FAIM2: variants seen among roughly 807,000 people sequenced by gnomAD.
The protein encoded by FAIM2 is protein lifeguard 2.
In FAIM2, 27 loss-of-function variants were observed where a neutral mutation model predicts 47.4. The ratio of observed to expected loss-of-function variants is 0.57; its 90% confidence interval spans 0.42 to 0.78. The LOEUF (loss-of-function observed/expected upper bound fraction) is 0.78, where lower values mean the gene tolerates loss of function less well. Ranked by LOEUF, FAIM2 falls within the 30% of genes least tolerant of loss-of-function variation. The pLI is 0.00. For missense variants in FAIM2, 311 were observed against 389.4 expected (o/e 0.80, Z 1.69); for synonymous variants, 156 against 159.3 (o/e 0.98, Z 0.16).
At chr12:49,883,026 G>A (rs1168572830) in intron 11 of FAIM2, among the ~76,000 whole-genome samples, 1 of 152,192 alleles carries the variant, frequency 6.6e-6, no homozygotes, top group Non-Finnish European at 1.5e-5. Flanking sequence ...GGATGGGAGA[G>A]AGGGCTGTGA....
rs745717930 is a variant in FAIM2, at chr12:49,885,275, C to A, written c.801+2111G>T. ...CACACACTGGCTGTAACCTGATCCACGGGAAGCCAAGTAAACTCCCCGGCC... is the reference window on the plus strand; with the variant it reads ...CACACACTGGCTGTAACCTGATCCAAGGGAAGCCAAGTAAACTCCCCGGCC... On this transcript the variant is annotated intron_variant, in intron 11 of 11. Coordinates refer to ENST00000320634, the MANE Select transcript of FAIM2 (RefSeq NM_012306.4). 1.3e-5 allele frequency among the ~76,000 whole-genome samples: 2 copies of A among 152,220 alleles called. 1 individual carries two copies. Among genetic ancestry groups the A allele is most frequent in the Admixed American group, 1.3e-4 (2 of 15,282 alleles).
chr12:49,871,553 T>C (rs919791368), intron 11 of FAIM2, among the ~76,000 whole-genome samples: 3 of 152,136 alleles, frequency 2.0e-5, no homozygotes, highest in African/African-American at 7.2e-5. Context: ...CATATGAAAT[T>C]TGGCAGGCGT....
intron 11 of FAIM2, among the ~76,000 whole-genome samples, chr12:49,884,243 A>G: frequency 6.6e-6 from 1 of 151,858 alleles, no homozygotes; most frequent in African/African-American, 2.4e-5. Flanking sequence ...AAAAAACAAA[A>G]AACAGAGAGA....
chr12:49,900,094 G>C (rs1946971273), intron 2 of FAIM2: 1 of 715,222 alleles, frequency 1.4e-6, no homozygotes, highest in African/African-American at 1.8e-5. Flanking sequence ...AAGGGGAAAA[G>C]AGAGGGAAAG....
chr12:49,885,595 A>G (rs1946855484), intron 11 of FAIM2, among the ~76,000 whole-genome samples: 1 of 152,312 alleles, frequency 6.6e-6, no homozygotes, highest in African/African-American at 2.4e-5. Flanking sequence ...GGGCTCCTCA[A>G]GAAGTGGGGC....
At chr12:49,871,568 C>T (rs1027452772) in intron 11 of FAIM2, among the ~76,000 whole-genome samples, 2 of 152,100 alleles carry the variant, frequency 1.3e-5, no homozygotes, top group African/African-American at 4.8e-5. Flanking sequence ...AGGCGTGGTG[C>T]GCTTTTCTGG....
At chr12:49,878,522 CTGTG>C (rs144546821) in intron 11 of FAIM2, among the ~76,000 whole-genome samples, 2,887 of 127,542 alleles carry the variant, frequency 0.023, 596 homozygotes, top group African/African-American at 0.083. Context: ...GTGCATATGA[CTGTG>C]TATGTGCATG....
intron 2 of FAIM2, among the ~76,000 whole-genome samples, chr12:49,898,450 T>C (rs1168128277): frequency 6.6e-6 from 1 of 152,150 alleles, no homozygotes; most frequent in Admixed American, 6.5e-5. Flanking sequence ...TGGTCAAGGA[T>C]CACAGAGGGC....
At chr12:49,901,766 T>C (rs1946983878) in intron 1 of FAIM2, 1 of 153,420 alleles carries the variant, frequency 6.5e-6, no homozygotes, top group Admixed American at 6.5e-5. Flanking sequence ...GGAAGAGCGA[T>C]TCATCCAAGG....
At chr12:49,880,556 GTGTGCATGTGTGTATC>G (rs1946812059) in intron 11 of FAIM2, among the ~76,000 whole-genome samples, 20 of 10,096 alleles carry the variant, frequency 2.0e-3, no homozygotes, top group Admixed American at 5.3e-3. Flanking sequence ...GCATGCGTGT[GTGTGCATGTGTGTATC>G]TGTGCATGTG....
rs919106664 is a variant in FAIM2 at position 49,874,277 on chromosome 12, CACTTGA to C, written c.802-3630_802-3625del. On this transcript the variant is annotated intron_variant, in intron 11 of 11. Coordinates refer to ENST00000320634, the MANE Select transcript of FAIM2 (RefSeq NM_012306.4). The surrounding 1 kb of genome is among the most constrained non-coding windows in gnomAD (Gnocchi z 4.2). Reference sequence around the variant, plus strand: ...TCTGAAGAGTCCTTCCCCAGACCAACACTTGATCTCATCTCCCTCTCCCCATTTGCC... The same window carrying C: ...TCTGAAGAGTCCTTCCCCAGACCAACTCTCATCTCCCTCTCCCCATTTGCC... 3.3e-5 allele frequency among the ~76,000 whole-genome samples: 5 copies of C among 152,192 alleles called. No homozygotes were observed. Among genetic ancestry groups the C allele is most frequent in the African/African-American group, 1.2e-4 (5 of 41,448 alleles).
chr12:49,876,725 T>C (rs1039705236), intron 11 of FAIM2, among the ~76,000 whole-genome samples: 2 of 152,044 alleles, frequency 1.3e-5, no homozygotes, highest in Non-Finnish European at 2.9e-5. Context: ...TGAGCCGAGA[T>C]TGAGCCACTG....
chr12:49,888,087 T>C (rs994710599), intron 10 of FAIM2, among the ~76,000 whole-genome samples: 2 of 152,092 alleles, frequency 1.3e-5, no homozygotes, highest in Admixed American at 1.3e-4. Context: ...GGGGCCCTCC[T>C]CCAGAAGACT....
intron 11 of FAIM2, 23 bp downstream of exon 11, chr12:49,887,363 C>A: frequency 3.7e-6 from 6 of 1,603,250 alleles, no homozygotes; most frequent in Non-Finnish European, 5.1e-6. Flanking sequence ...AAGGAGGCTG[C>A]CAAGGAGCTA....
Position 49,878,472 on chromosome 12 carries a change from GTGTGCATGTGTGTATATGTA to G in FAIM2, c.802-7839_802-7820del, listed in dbSNP as rs1353894865. On this transcript the variant is annotated intron_variant, in intron 11 of 11. Coordinates refer to ENST00000320634, the MANE Select transcript of FAIM2 (RefSeq NM_012306.4). ...AGTGAATGTGTATGCATGTATGTGT[GTGTGCATGTGTGTATATGTA>G]TGTGCATGTGTGTATATGTGTGCAT... Among the ~76,000 whole-genome samples, 13 of 101,014 alleles carry G rather than the reference GTGTGCATGTGTGTATATGTA, an allele frequency of 1.3e-4. No homozygotes were observed. In the East Asian group the frequency reaches 2.5e-3, roughly 19 times the overall value. The allele number at this position is 101,014 out of a possible 152,430, so 66.3% of individuals were successfully genotyped here.
chr12:49,883,326 C>T (rs1404641408), intron 11 of FAIM2, among the ~76,000 whole-genome samples: 1 of 151,670 alleles, frequency 6.6e-6, no homozygotes, highest in Non-Finnish European at 1.5e-5. Flanking sequence ...AGGGAGTAGC[C>T]ATGAGGGCAG....
chr12:49,880,346 ATG>A (rs1418867041), intron 11 of FAIM2, among the ~76,000 whole-genome samples: 5 of 145,726 alleles, frequency 3.4e-5, no homozygotes, highest in African/African-American at 1.0e-4. Flanking sequence ...ATGTTTGTGT[ATG>A]TGCATGTATG....
rs771020042 is a variant in FAIM2 at position 49,901,184 on chromosome 12, G to A, written c.157C>T (p.Pro53Ser). ...SGEGMKAGAFPPAPTAVPLHP... is the reference protein window; with the variant it reads ...SGEGMKAGAFSPAPTAVPLHP... ...AGAGGCACCGCTGTGGGGGCTGGGGGGAAGGCCCCTGCCTTCATCCCCTCC... is the reference window on the plus strand; with the variant it reads ...AGAGGCACCGCTGTGGGGGCTGGGGAGAAGGCCCCTGCCTTCATCCCCTCC... Residue 53 changes from proline to serine, a missense_variant, in exon 2 of 12, where the codon CCC (proline) becomes TCC (serine). Transcript: ENST00000320634. The A allele has an allele frequency of 1.2e-6, 2 of 1,608,568 alleles. No individual in the cohort carries two copies. Among genetic ancestry groups the A allele is most frequent in the East Asian group, 4.5e-5 (2 of 44,122 alleles).
Position 49,896,873 on chromosome 12 carries a change from C to T in FAIM2, c.434+158G>A, listed in dbSNP as rs367754151. On this transcript the variant is annotated intron_variant, in intron 5 of 11. Transcript: ENST00000320634. The stretch of plus-strand genomic sequence containing the variant: ...GGTGCTTCTGGCCATGCTCTGAAGC[C>T]GACAGAATGGGGCAGGGTTGGAGGG... 1.1e-4 allele frequency among the ~76,000 whole-genome samples: 17 copies of T among 152,234 alleles called. No homozygotes were observed. The South Asian group carries it at 1.7e-3, about 15-fold the overall frequency.
Sources: gnomAD v4.1 joint callset for allele counts (sites outside exome capture counted in the v4.1 genomes callset) on GRCh38, gnomAD v4.1.1 for gene constraint, Gnocchi (gnomAD v3.1) non-coding constraint, MANE v1.5 for transcripts, NCBI Gene and HGNC (gene_info 2026-07-23, HGNC 2026-07-21) for gene names.